Variants in C1QA observed in about 807,000 individuals in gnomAD.
C1QA encodes complement C1q A chain.
A neutral mutation model predicts 6.9 loss-of-function variants in C1QA; 3 were observed. That is an observed-to-expected ratio of 0.44 (90% CI 0.20 to 1.12). The LOEUF (loss-of-function observed/expected upper bound fraction) is 1.12. Ranked by LOEUF, C1QA falls within the 50% of genes most tolerant of loss-of-function variation. The pLI, the probability that C1QA is intolerant of heterozygous loss-of-function variation, is 0.27. For synonymous variants in C1QA, 128 were observed against 134.1 expected (o/e 0.95, Z 0.31); for missense variants, 273 against 326.6 (o/e 0.84, Z 1.26).
Position 22,639,340 on chromosome 1 carries a change from G to T in C1QA, c.671G>T (p.Gly224Val). ...QVWVEKDPKKGHIYQGSEADS... is the reference protein window; with the variant it reads ...QVWVEKDPKKVHIYQGSEADS... ...TGGGTTGAAAAAGACCCCAAAAAGG[G>T]TCACATTTACCAGGGCTCTGAGGCC... Residue 224 changes from glycine (G) to valine (V), a missense_variant, in exon 3 of 3, where the codon GGT becomes GTT. Physicochemically the swap from Gly to Val is moderately radical, Grantham distance 109 (BLOSUM62 -3). Transcript: ENST00000374642. This position sits in a 1 kb window ranked among gnomAD's most constrained non-coding sequence, Gnocchi z 4.6. 1 of 1,614,146 alleles carries T rather than the reference G, an allele frequency of 6.2e-7. No individual in the cohort carries two copies. Among genetic ancestry groups the T allele is most frequent in the Non-Finnish European group, 8.5e-7 (1 of 1,180,034 alleles).
rs776729628 is a variant in C1QA, at chr1:22,639,265, A to G, written c.596A>G (p.Gln199Arg). The G allele has an allele frequency of 6.2e-7, 1 of 1,614,166 alleles. No homozygotes were observed. The highest frequency in any genetic ancestry group is 1.7e-5 in the Admixed American group (1 of 60,020). ...GACACCACCAACAAGGGGCTCTTCC[A>G]GGTGGTGTCAGGGGGCATGGTGCTT... is the stretch of plus-strand genomic sequence containing the variant. Reference protein sequence around the residue: ...FCDTTNKGLFQVVSGGMVLQL... With the variant: ...FCDTTNKGLFRVVSGGMVLQL... Residue 199 changes from glutamine to arginine, a missense_variant, in exon 3 of 3, where the codon CAG becomes CGG. Coordinates refer to ENST00000374642, the MANE Select transcript of C1QA (RefSeq NM_015991.4). The surrounding 1 kb of genome is among the most constrained non-coding windows in gnomAD (Gnocchi z 4.6).
rs1207537075 is a variant in C1QA, at chr1:22,638,834, G to C, written c.165G>C (p.Gly55=). 1.3e-6 allele frequency: 2 copies of C among 1,578,074 alleles called. No homozygotes were observed. Among genetic ancestry groups the C allele is most frequent in the South Asian group, 2.3e-5 (2 of 86,030 alleles). Residue 55 remains glycine, a splice_region_variant and synonymous_variant, in exon 3 of 3, where the codon GGG becomes GGC. Coordinates refer to ENST00000374642, the MANE Select transcript of C1QA (RefSeq NM_015991.4). ...PGLKGEQGEP[G]APGIRTGIQG... ...CCAATCTGGCATTTCTCCCCACAGGGGCCCCTGGCATCCGGACAGGCATCC... is the reference window on the plus strand; with the variant it reads ...CCAATCTGGCATTTCTCCCCACAGGCGCCCCTGGCATCCGGACAGGCATCC...
intron 2 of C1QA, among the ~76,000 whole-genome samples, chr1:22,638,397 G>A (rs1384585514): frequency 6.6e-6 from 1 of 152,148 alleles, no homozygotes; most frequent in African/African-American, 2.4e-5. Flanking sequence ...AGTAGAAAGG[G>A]AGTCTCATGG....
rs2148291205 is a variant in C1QA at position 22,639,136 on chromosome 1, C to G, written c.467C>G (p.Pro156Arg). 1 of 1,614,244 alleles carries G rather than the reference C, an allele frequency of 6.2e-7. No homozygotes were observed. The highest frequency in any genetic ancestry group is 8.5e-7 in the Non-Finnish European group (1 of 1,180,040). Residue 156 changes from proline to arginine, a missense_variant, in exon 3 of 3, where the codon CCC becomes CGC. Coordinates refer to ENST00000374642, the MANE Select transcript of C1QA (RefSeq NM_015991.4). The surrounding 1 kb of genome is among the most constrained non-coding windows in gnomAD (Gnocchi z 4.6). ...TCCGGCCGATTCGTCTGCACTGTACCCGGCTACTACTACTTCACCTTCCAG... is the reference window on the plus strand; with the variant it reads ...TCCGGCCGATTCGTCTGCACTGTACGCGGCTACTACTACTTCACCTTCCAG... ...NHSGRFVCTVPGYYYFTFQVL... is the reference protein window; with the variant it reads ...NHSGRFVCTVRGYYYFTFQVL...
Position 22,639,298 on chromosome 1 carries a change from A to G in C1QA, c.629A>G (p.Gln210Arg), listed in dbSNP as rs1642230470. The G allele has an allele frequency of 1.2e-6, 2 of 1,614,084 alleles. No individual in the cohort carries two copies. Among genetic ancestry groups the G allele is most frequent in the East Asian group, 2.2e-5 (1 of 44,874 alleles). The stretch of plus-strand genomic sequence containing the variant: ...TCAGGGGGCATGGTGCTTCAGCTGC[A>G]GCAGGGTGACCAGGTCTGGGTTGAA... ...VVSGGMVLQL[Q>R]QGDQVWVEKD... is the part of the protein sequence containing the mutation. Residue 210 changes from glutamine to arginine, a missense_variant, in exon 3 of 3, where the codon CAG becomes CGG. Transcript: ENST00000374642. The surrounding 1 kb of genome is among the most constrained non-coding windows in gnomAD (Gnocchi z 4.6).
chr1:22,639,457 G>T lies in C1QA; in HGVS notation c.*50G>T. ...CCCACCTCTCTGGCTTCCATGCTCC[G>T]CCTGTAAAATGGGGGCGCTATTGCT... On this transcript the variant is annotated 3_prime_UTR_variant, in exon 3 of 3. Transcript: ENST00000374642. This position sits in a 1 kb window ranked among gnomAD's most constrained non-coding sequence, Gnocchi z 4.6. 2 of 1,595,930 alleles carry T rather than the reference G, an allele frequency of 1.3e-6. No individual in the cohort carries two copies. Among genetic ancestry groups the T allele is most frequent in the Non-Finnish European group, 1.7e-6 (2 of 1,173,090 alleles).
chr1:22,638,356 G>T (rs1642212691), intron 2 of C1QA, among the ~76,000 whole-genome samples: 1 of 152,160 alleles, frequency 6.6e-6, no homozygotes, highest in South Asian at 2.1e-4. Context: ...AAAGGCCAGG[G>T]GTAATGGAAA....
At position 22,637,504 on chromosome 1, in the gene C1QA, A is replaced by C; in HGVS notation, c.-7-106A>C. On this transcript the variant is annotated intron_variant, in intron 1 of 2. Coordinates refer to ENST00000374642, the MANE Select transcript of C1QA (RefSeq NM_015991.4). The surrounding 1 kb of genome is among the most constrained non-coding windows in gnomAD (Gnocchi z 4.4). ...TGAGAGCCCCAGAGGGTGCATGTGC[A>C]CTTGGGGAGGACTGTGCATATATCA... The C allele has an allele frequency of 7.2e-7, 1 of 1,390,412 alleles. No individual in the cohort carries two copies. The highest frequency in any genetic ancestry group is 1.0e-6 in the Non-Finnish European group (1 of 1,000,986). The allele number at this position is 1,390,412 out of a possible 1,614,324, so 86.1% of individuals were successfully genotyped here.
In C1QA at chr1:22,639,401, T is replaced by C. The variant is rs753354060; in HGVS notation, c.732T>C (p.Ser244=). 1 of 1,613,388 alleles carries C rather than the reference T, an allele frequency of 6.2e-7. No homozygotes were observed. Among genetic ancestry groups the C allele is most frequent in the East Asian group, 2.2e-5 (1 of 44,858 alleles). The change falls in exon 3 of 3, where the codon TCT becomes TCC. Residue 244 remains serine (S), a synonymous_variant. Transcript: ENST00000374642. The surrounding 1 kb of genome is among the most constrained non-coding windows in gnomAD (Gnocchi z 4.6). ...TCAGCGGCTTCCTCATCTTCCCATC[T>C]GCCTGAGCCAGGGAAGGACCCCCTC... ...SVFSGFLIFP[S]A
In C1QA at chr1:22,639,073, C is replaced by G; in HGVS notation, c.404C>G (p.Thr135Arg). Residue 135 changes from threonine (T) to arginine (R), a missense_variant, in exon 3 of 3, where the codon ACG becomes AGG. By Grantham distance (71) the Thr-to-Arg change is moderately conservative. Transcript: ENST00000374642. This position sits in a 1 kb window ranked among gnomAD's most constrained non-coding sequence, Gnocchi z 4.6. ...PMGGNVVIFD[T>R]VITNQEEPYQ... ...GGGGGCAACGTGGTCATCTTCGACA[C>G]GGTCATCACCAACCAGGAAGAACCG... 6.2e-7 allele frequency: 1 copy of G among 1,614,250 alleles called. No homozygotes were observed. Among genetic ancestry groups the G allele is most frequent in the Non-Finnish European group, 8.5e-7 (1 of 1,180,050 alleles).
chr1:22,637,804 G>T lies in C1QA; in HGVS notation c.163+25G>T, dbSNP rs1290597064. 2 of 1,549,108 alleles carry T rather than the reference G, an allele frequency of 1.3e-6. No individual in the cohort carries two copies. The highest frequency in any genetic ancestry group is 3.9e-5 in the Admixed American group (2 of 51,068). On this transcript the variant is annotated intron_variant, in intron 2 of 2. Transcript: ENST00000374642. The surrounding 1 kb of genome is among the most constrained non-coding windows in gnomAD (Gnocchi z 4.4). ...GGTAAGCACCCTTCCTCGGGACCCA[G>T]CCCCTTGGACCTTGGCCTGACTTGG...
intron 2 of C1QA, 85 bp from the exon 3 acceptor site, chr1:22,638,748 C>T: frequency 6.9e-7 from 1 of 1,457,626 alleles, no homozygotes; most frequent in South Asian, 1.2e-5. Context: ...TGCCCTTTAT[C>T]CCATAGACTC....
At position 22,637,804 on chromosome 1, in the gene C1QA, GC is replaced by G. The variant is rs1281311708; in HGVS notation, c.163+29del. ...GGTAAGCACCCTTCCTCGGGACCCA[GC>G]CCCTTGGACCTTGGCCTGACTTGGC... On this transcript the variant is annotated intron_variant, in intron 2 of 2. Coordinates refer to ENST00000374642, the MANE Select transcript of C1QA (RefSeq NM_015991.4). The surrounding 1 kb of genome is among the most constrained non-coding windows in gnomAD (Gnocchi z 4.4). 1 of 1,548,990 alleles carries G rather than the reference GC, an allele frequency of 6.5e-7. No individual in the cohort carries two copies. The highest frequency in any genetic ancestry group is 8.7e-7 in the Non-Finnish European group (1 of 1,146,886).
rs1642193554 is a variant in C1QA at position 22,637,192 on chromosome 1, G to A, written c.-7-418G>A. On this transcript the variant is annotated intron_variant, in intron 1 of 2. Coordinates refer to ENST00000374642, the MANE Select transcript of C1QA (RefSeq NM_015991.4). The surrounding 1 kb of genome is among the most constrained non-coding windows in gnomAD (Gnocchi z 4.4). The stretch of plus-strand genomic sequence containing the variant: ...GCCAGTGTTAATTAAATAAGGAGCA[G>A]GCGCTCAATACATATTTGTTCAATG... 6.6e-6 allele frequency among the ~76,000 whole-genome samples: 1 copy of A among 152,206 alleles called. No individual in the cohort carries two copies. Among genetic ancestry groups the A allele is most frequent in the African/African-American group, 2.4e-5 (1 of 41,442 alleles).
rs936764951 is a variant in C1QA at position 22,639,266 on chromosome 1, G to A, written c.597G>A (p.Gln199=). ...FCDTTNKGLF[Q]VVSGGMVLQL... Reference sequence around the variant, plus strand: ...ACACCACCAACAAGGGGCTCTTCCAGGTGGTGTCAGGGGGCATGGTGCTTC... The same window carrying A: ...ACACCACCAACAAGGGGCTCTTCCAAGTGGTGTCAGGGGGCATGGTGCTTC... Residue 199 remains glutamine (Q), a synonymous_variant, in exon 3 of 3, where the codon CAG becomes CAA. Coordinates refer to ENST00000374642, the MANE Select transcript of C1QA (RefSeq NM_015991.4). The surrounding 1 kb of genome is among the most constrained non-coding windows in gnomAD (Gnocchi z 4.6). The A allele has an allele frequency of 9.3e-6, 15 of 1,614,082 alleles. No individual in the cohort carries two copies. Among genetic ancestry groups the A allele is most frequent in the African/African-American group, 2.7e-5 (2 of 74,944 alleles).
Position 22,639,430 on chromosome 1 carries a change from C to A in C1QA, c.*23C>A, listed in dbSNP as rs1370367887. ...TGAGCCAGGGAAGGACCCCCTCCCCCACCCACCTCTCTGGCTTCCATGCTC... is the reference window on the plus strand; with the variant it reads ...TGAGCCAGGGAAGGACCCCCTCCCCAACCCACCTCTCTGGCTTCCATGCTC... On this transcript the variant is annotated 3_prime_UTR_variant, in exon 3 of 3. Coordinates refer to ENST00000374642, the MANE Select transcript of C1QA (RefSeq NM_015991.4). The surrounding 1 kb of genome is among the most constrained non-coding windows in gnomAD (Gnocchi z 4.6). The A allele has an allele frequency of 1.2e-6, 2 of 1,609,184 alleles. No individual in the cohort carries two copies. Among genetic ancestry groups the A allele is most frequent in the Non-Finnish European group, 1.7e-6 (2 of 1,179,058 alleles).
rs1642230636 is a variant in C1QA, at chr1:22,639,302, G to A, written c.633G>A (p.Gln211=). The A allele has an allele frequency of 1.3e-5, 21 of 1,614,094 alleles. No individual in the cohort carries two copies. The highest frequency in any genetic ancestry group is 1.7e-5 in the Non-Finnish European group (20 of 1,179,954). The change falls in exon 3 of 3, where the codon CAG becomes CAA. Residue 211 remains glutamine (Q), a synonymous_variant. Coordinates refer to ENST00000374642, the MANE Select transcript of C1QA (RefSeq NM_015991.4). The surrounding 1 kb of genome is among the most constrained non-coding windows in gnomAD (Gnocchi z 4.6). The part of the protein sequence containing the change: ...VSGGMVLQLQ[Q]GDQVWVEKDP... ...GGGGCATGGTGCTTCAGCTGCAGCA[G>A]GGTGACCAGGTCTGGGTTGAAAAAG...
Position 22,637,696 on chromosome 1 carries a change from G to C in C1QA, c.80G>C (p.Arg27Pro). 1 of 1,613,830 alleles carries C rather than the reference G, an allele frequency of 6.2e-7. No homozygotes were observed. The highest frequency in any genetic ancestry group is 8.5e-7 in the Non-Finnish European group (1 of 1,179,924). Residue 27 changes from arginine to proline, a missense_variant, in exon 2 of 3, where the codon CGA becomes CCA. Physicochemically the swap from Arg to Pro is moderately radical, Grantham distance 103. Transcript: ENST00000374642. This position sits in a 1 kb window ranked among gnomAD's most constrained non-coding sequence, Gnocchi z 4.4. ...LASMVTEDLC[R>P]APDGKKGEAG... ...TCTATGGTGACCGAGGACTTGTGCC[G>C]AGCACCAGACGGGAAGAAAGGGGAG...
chr1:22,639,405 T>A lies in C1QA; in HGVS notation c.736T>A (p.Ter246ArgextTer19). 1.2e-6 allele frequency: 2 copies of A among 1,613,086 alleles called. No homozygotes were observed. Among genetic ancestry groups the A allele is most frequent in the Non-Finnish European group, 1.7e-6 (2 of 1,180,000 alleles). ...FSGFLIFPSA[*>R] is the part of the protein sequence containing the mutation. ...CGGCTTCCTCATCTTCCCATCTGCC[T>A]GAGCCAGGGAAGGACCCCCTCCCCC... The change falls in exon 3 of 3, where the codon TGA becomes AGA. Residue 246 changes from the stop codon to arginine, a stop_lost. Coordinates refer to ENST00000374642, the MANE Select transcript of C1QA (RefSeq NM_015991.4). This position sits in a 1 kb window ranked among gnomAD's most constrained non-coding sequence, Gnocchi z 4.6.
Sources: gnomAD v4.1 joint callset for allele counts (sites outside exome capture counted in the v4.1 genomes callset) on GRCh38, gnomAD v4.1.1 for gene constraint, Gnocchi (gnomAD v3.1) non-coding constraint, MANE v1.5 for transcripts, NCBI Gene and HGNC (gene_info 2026-07-23, HGNC 2026-07-21) for gene names.